Variants in PRIMA1 observed in about 807,000 individuals in gnomAD.
PRIMA1 encodes the protein proline rich membrane anchor 1, also known as proline-rich membrane anchor 1.
In PRIMA1, 7 loss-of-function variants were observed where a neutral mutation model predicts 17.5. That is an observed-to-expected ratio of 0.40 (90% confidence interval 0.23 to 0.75). The LOEUF (loss-of-function observed/expected upper bound fraction) is 0.75. Ranked by LOEUF, PRIMA1 falls within the 30% of genes least tolerant of loss-of-function variation. The probability of loss-of-function intolerance (pLI) is 0.37; values close to 1 mark genes in which losing one functional copy is unlikely to be tolerated. For missense variants in PRIMA1, 200 were observed against 201.8 expected (o/e 0.99, Z 0.05); for synonymous variants, 97 against 77.9 (o/e 1.25, Z -1.29).
At chr14:93,734,693 A>G (rs1232227874) in intron 4 of PRIMA1, among the ~76,000 whole-genome samples, 1 of 150,890 alleles carries the variant, frequency 6.6e-6, no homozygotes, top group Non-Finnish European at 1.5e-5. Flanking sequence ...CCCACACCAC[A>G]TAAGGATCCC....
At chr14:93,751,915 A>G (rs1255921193) in intron 3 of PRIMA1, among the ~76,000 whole-genome samples, 1 of 152,204 alleles carries the variant, frequency 6.6e-6, no homozygotes, top group African/African-American at 2.4e-5. Context: ...AATTAGATAC[A>G]TCAAGAATTC....
chr14:93,753,960 G>A (rs1309412120), intron 3 of PRIMA1, among the ~76,000 whole-genome samples: 1 of 152,202 alleles, frequency 6.6e-6, no homozygotes, highest in African/African-American at 2.4e-5. Flanking sequence ...CATGCAAAAG[G>A]CCACCCCTCT....
chr14:93,779,717 T>C (rs1363506467), intron 2 of PRIMA1, among the ~76,000 whole-genome samples: 1 of 152,214 alleles, frequency 6.6e-6, no homozygotes, highest in Non-Finnish European at 1.5e-5. Context: ...GCCCAACCGC[T>C]TCTCCTGTCT....
chr14:93,756,726 G>A (rs1341310786), intron 3 of PRIMA1, among the ~76,000 whole-genome samples: 1 of 152,088 alleles, frequency 6.6e-6, no homozygotes, highest in African/African-American at 2.4e-5. Context: ...CCGGCTCTGG[G>A]TTCCCTGTCC....
chr14:93,754,865 C>T (rs926681320), intron 3 of PRIMA1, among the ~76,000 whole-genome samples: 2 of 152,092 alleles, frequency 1.3e-5, no homozygotes, highest in East Asian at 1.9e-4. Flanking sequence ...GTGAGGGCTG[C>T]GTCATACAGA....
rs556179583 is a variant in PRIMA1, at chr14:93,718,327, A to C, written c.*3117T>G. 1 of 152,294 alleles carries C rather than the reference A, an allele frequency of 6.6e-6. No individual in the cohort carries two copies. Among genetic ancestry groups the C allele is most frequent in the South Asian group, 2.1e-4 (1 of 4,820 alleles). 9.4% of individuals were successfully genotyped at this position (152,294 alleles called of 1,614,324 possible). A position where few individuals can be genotyped will look rare whatever the true frequency, so the allele number is the denominator to read the frequency against. On this transcript the variant is annotated 3_prime_UTR_variant, in exon 5 of 5. Transcript: ENST00000393140. Reference sequence around the variant, plus strand: ...TCTCTATATTTTTATTGAAAATAAAAAAGTCATGGTGCTTTCTTCCTCATA... The same window carrying C: ...TCTCTATATTTTTATTGAAAATAAACAAGTCATGGTGCTTTCTTCCTCATA...
Position 93,726,952 on chromosome 14 carries a change from C to T in PRIMA1, c.360-5406G>A, listed in dbSNP as rs1318214502. On this transcript the variant is annotated intron_variant, in intron 4 of 4. Coordinates refer to ENST00000393140, the MANE Select transcript of PRIMA1 (RefSeq NM_178013.4). This position sits in a 1 kb window ranked among gnomAD's most constrained non-coding sequence, Gnocchi z 4.2. ...ACATATATCCCCACACTCATATACA[C>T]ACACACTCAGCGTTCCATGATGAGA... Among the ~76,000 whole-genome samples, 1 of 152,212 alleles carries T rather than the reference C, an allele frequency of 6.6e-6. No individual in the cohort carries two copies. The highest frequency in any genetic ancestry group is 1.9e-4 in the East Asian group (1 of 5,194).
intron 4 of PRIMA1, among the ~76,000 whole-genome samples, chr14:93,722,602 T>C (rs1310186808): frequency 2.8e-5 from 4 of 141,352 alleles, no homozygotes; most frequent in Non-Finnish European, 4.9e-5. Context: ...GTGATGGTGG[T>C]TATATGGTGG....
chr14:93,779,233 G>GC lies in PRIMA1; in HGVS notation c.171_172insG (p.Pro58AlafsTer29). On this transcript the variant is annotated frameshift_variant, in exon 3 of 5. Coordinates refer to ENST00000393140, the MANE Select transcript of PRIMA1 (RefSeq NM_178013.4). LOFTEE classifies it high-confidence loss of function. ...GGTGGGGGCGGCGGGGGCAGCGGGGGAGGGGGCCGGCACTGGCAGACGTGT... is the reference window on the plus strand; with the variant it reads ...GGTGGGGGCGGCGGGGGCAGCGGGGGCAGGGGGCCGGCACTGGCAGACGTGT... 1 of 1,094,106 alleles carries GC rather than the reference G, an allele frequency of 9.1e-7. No homozygotes were observed. The highest frequency in any genetic ancestry group is 1.3e-6 in the Non-Finnish European group (1 of 775,648). The allele number at this position is 1,094,106 out of a possible 1,614,324, so 67.8% of individuals were successfully genotyped here. A position where few individuals can be genotyped will look rare whatever the true frequency, so the allele number is the denominator to read the frequency against.
At chr14:93,784,165 T>C (rs1885457928) in intron 2 of PRIMA1, among the ~76,000 whole-genome samples, 4 of 152,180 alleles carry the variant, frequency 2.6e-5, no homozygotes, top group Admixed American at 6.5e-5. Flanking sequence ...ATCCCCAATA[T>C]TATATGGGAA....
intron 3 of PRIMA1, among the ~76,000 whole-genome samples, chr14:93,769,206 A>C (rs1467790743): frequency 1.3e-5 from 2 of 152,232 alleles, no homozygotes; most frequent in African/African-American, 4.8e-5. Flanking sequence ...ACTTTACTCA[A>C]GCAAGGGTTA....
intron 1 of PRIMA1, 111 bp from the exon 2 acceptor site, chr14:93,787,860 G>C: frequency 7.6e-7 from 1 of 1,307,914 alleles, no homozygotes; most frequent in Admixed American, 2.5e-5. Context: ...GCACCCAGGG[G>C]CACCCTAGTA....
At chr14:93,747,367 C>T (rs556082034) in intron 3 of PRIMA1, among the ~76,000 whole-genome samples, 5 of 151,974 alleles carry the variant, frequency 3.3e-5, no homozygotes, top group African/African-American at 9.6e-5. Context: ...AGTGGTTTGG[C>T]GGGAGTGGAG....
intron 3 of PRIMA1, among the ~76,000 whole-genome samples, chr14:93,763,780 C>T (rs916853199): frequency 1.3e-5 from 2 of 152,072 alleles, no homozygotes; most frequent in African/African-American, 4.8e-5. Context: ...TGGCTCAGTC[C>T]CCACCGTCTC....
chr14:93,743,103 A>G (rs1218491065), intron 3 of PRIMA1, among the ~76,000 whole-genome samples: 5 of 152,178 alleles, frequency 3.3e-5, no homozygotes, highest in East Asian at 1.9e-4. Context: ...AGAAGAGGGG[A>G]GTGAGAGCCA....
In PRIMA1 at chr14:93,739,454, A is replaced by G. The variant is rs1181192346; in HGVS notation, c.230-2084T>C. 1.8e-4 allele frequency among the ~76,000 whole-genome samples: 28 copies of G among 152,216 alleles called. 1 individual carries two copies. Among genetic ancestry groups the G allele is most frequent in the Admixed American group, 1.8e-3 (28 of 15,286 alleles). ...TAAGCATTTGTGTACAAGTCTTTGT[A>G]CAGACACATTTTCCTATTTCTCTTG... On this transcript the variant is annotated intron_variant, in intron 3 of 4. Transcript: ENST00000393140.
chr14:93,734,613 C>T (rs2076136488), intron 4 of PRIMA1, among the ~76,000 whole-genome samples: 1 of 152,156 alleles, frequency 6.6e-6, no homozygotes, highest in Admixed American at 6.5e-5. Flanking sequence ...GAATAATCCT[C>T]GCCACCCGCT....
At chr14:93,742,450 C>T (rs916258497) in intron 3 of PRIMA1, among the ~76,000 whole-genome samples, 16 of 152,158 alleles carry the variant, frequency 1.1e-4, no homozygotes, top group African/African-American at 3.4e-4. Flanking sequence ...AATGGCACAT[C>T]GTGGCAAGTG....
At chr14:93,767,492 G>T (rs1294002703) in intron 3 of PRIMA1, among the ~76,000 whole-genome samples, 2 of 152,166 alleles carry the variant, frequency 1.3e-5, no homozygotes, top group African/African-American at 2.4e-5. Flanking sequence ...CCTTGGTCAG[G>T]AGCAAAGGGT....
Sources: gnomAD v4.1 joint callset for allele counts (sites outside exome capture counted in the v4.1 genomes callset) on GRCh38, gnomAD v4.1.1 for gene constraint, Gnocchi (gnomAD v3.1) non-coding constraint, MANE v1.5 for transcripts, NCBI Gene and HGNC (gene_info 2026-07-23, HGNC 2026-07-21) for gene names.